The following VCP variants were observed in gnomAD, a reference collection of about 807,000 sequenced individuals.
The protein encoded by VCP is transitional endoplasmic reticulum ATPase.
Under a neutral mutation model 85.7 loss-of-function variants are expected in VCP, and 6 were observed. The ratio of observed to expected loss-of-function variants is 0.07; its 90% CI spans 0.04 to 0.14. The LOEUF (loss-of-function observed/expected upper bound fraction) is 0.14. Among genes scored for constraint, VCP ranks in the 10% least tolerant of loss-of-function variants. The probability of loss-of-function intolerance (pLI) is 1.00; values close to 1 mark genes in which losing one functional copy is unlikely to be tolerated. For missense variants in VCP, 353 were observed against 1,043.4 expected (o/e 0.34, Z 9.12); for synonymous variants, 384 against 367.1 (o/e 1.05, Z -0.53).
intron 1 of VCP, 81 bp downstream of exon 1, chr9:35,072,256 G>A (rs1296719123): frequency 1.4e-6 from 2 of 1,474,788 alleles, no homozygotes; most frequent in East Asian, 2.9e-5. Flanking sequence ...CGCGCCCACG[G>A]CCAGGCCCCG....
Position 35,058,951 on chromosome 9 carries a change from C to A in VCP, c.2160+113G>T, listed in dbSNP as rs370020063. 4.3e-5 allele frequency: 63 copies of A among 1,451,804 alleles called. No individual in the cohort carries two copies. The African/African-American group carries it at 7.5e-4, about 17-fold the overall frequency. 89.9% of individuals were successfully genotyped at this position (1,451,804 alleles called of 1,614,324 possible). On this transcript the variant is annotated intron_variant, in intron 15 of 16. Transcript: ENST00000358901. ...TTATCTTTGATGCCCTATTAAAATTCTTCTCAGTTAGATGATCTTTCCAAC... is the reference window on the plus strand; with the variant it reads ...TTATCTTTGATGCCCTATTAAAATTATTCTCAGTTAGATGATCTTTCCAAC...
chr9:35,067,897 A>G lies in VCP; in HGVS notation c.296T>C (p.Val99Ala). The change falls in exon 3 of 17, where the codon GTC (valine) becomes GCC (alanine). Residue 99 changes from valine (V) to alanine (A), a missense_variant. Physicochemically the swap from Val to Ala is moderately conservative, Grantham distance 64 (BLOSUM62 0). This residue lies in a region of VCP where 69 missense variants were observed against 132.9 expected (regional missense o/e 0.52). Coordinates refer to ENST00000358901, the MANE Select transcript of VCP (RefSeq NM_007126.5). ...CCAAAAACCCCACACACACCTGATGACATCCCCTAGGCGTACACGAAGGTT... is the reference window on the plus strand; with the variant it reads ...CCAAAAACCCCACACACACCTGATGGCATCCCCTAGGCGTACACGAAGGTT... The part of the protein sequence containing the change: ...RNNLRVRLGD[V>A]ISIQPCPDVK... 5.0e-6 allele frequency: 8 copies of G among 1,614,178 alleles called. No individual in the cohort carries two copies. The highest frequency in any genetic ancestry group is 6.8e-6 in the Non-Finnish European group (8 of 1,180,032).
At chr9:35,057,954 C>T (rs1828643581) in intron 15 of VCP, 1 of 302,558 alleles carries the variant, frequency 3.3e-6, no homozygotes, top group Non-Finnish European at 6.4e-6. Context: ...AAGGAAATGC[C>T]AATGGCTTTC....
Position 35,061,698 on chromosome 9 carries a change from C to T in VCP, c.1082-9G>A. ...CTCCCTGTCAAAGCGACCTGTGGGA[C>T]AGTACACAAACATAAACAGGGCTCA... On this transcript the variant is annotated splice_polypyrimidine_tract_variant and intron_variant, in intron 9 of 16. Transcript: ENST00000358901. The T allele has an allele frequency of 1.9e-6, 3 of 1,610,280 alleles. No homozygotes were observed. Among genetic ancestry groups the T allele is most frequent in the East Asian group, 2.2e-5 (1 of 44,862 alleles).
rs886063888 is a variant in VCP at position 35,056,770 on chromosome 9, G to A, written c.*347C>T. 34 of 359,732 alleles carry A rather than the reference G, an allele frequency of 9.5e-5. No homozygotes were observed. The highest frequency in any genetic ancestry group is 2.1e-4 in the African/African-American group (10 of 47,484). 22.3% of individuals were successfully genotyped at this position (359,732 alleles called of 1,614,324 possible). A position where few individuals can be genotyped will look rare whatever the true frequency, so the allele number is the denominator to read the frequency against. ...GGGCTCGGGCAGCATTGAGTCAAGT[G>A]CAGATGCTTTACTGTGGCAGGTGGC... On this transcript the variant is annotated 3_prime_UTR_variant, in exon 17 of 17. Transcript: ENST00000358901.
chr9:35,066,968 A>C, intron 3 of VCP, 151 bp from the exon 4 acceptor site: 2 of 1,277,036 alleles, frequency 1.6e-6, no homozygotes, highest in South Asian at 2.4e-5. Flanking sequence ...ACAGGGTGGA[A>C]GTGAGGGCGA....
intron 4 of VCP, among the ~76,000 whole-genome samples, chr9:35,066,382 C>A (rs1828830661): frequency 6.6e-6 from 1 of 150,906 alleles, no homozygotes; most frequent in Admixed American, 6.6e-5. Context: ...ATGCCTCAGC[C>A]TCCCAGGTAG....
chr9:35,072,505 C>T lies in VCP; in HGVS notation c.-152G>A. 9.9e-7 allele frequency: 1 copy of T among 1,011,678 alleles called. No individual in the cohort carries two copies. Among genetic ancestry groups the T allele is most frequent in the Non-Finnish European group, 1.3e-6 (1 of 755,270 alleles). The allele number at this position is 1,011,678 out of a possible 1,614,324, so 62.7% of individuals were successfully genotyped here. A position where few individuals can be genotyped will look rare whatever the true frequency, so the allele number is the denominator to read the frequency against. ...CAAGCGGCTTCCCTCTCGCTTCCTC[C>T]CACCGGCAGCGAGGCGTCGGGCGAA... On this transcript the variant is annotated 5_prime_UTR_variant, in exon 1 of 17. Transcript: ENST00000358901.
chr9:35,071,155 A>G (rs960605550), intron 1 of VCP, among the ~76,000 whole-genome samples: 7 of 152,238 alleles, frequency 4.6e-5, no homozygotes, highest in Non-Finnish European at 8.8e-5. Flanking sequence ...TACTTTCAGA[A>G]TAAGTGACTC....
intron 1 of VCP, 88 bp from the exon 2 acceptor site, chr9:35,068,450 AT>A: frequency 8.4e-7 from 1 of 1,191,822 alleles, no homozygotes; most frequent in South Asian, 1.2e-5. Context: ...GAAACAGTGA[AT>A]AGATGAAGCT....
chr9:35,070,223 G>C, intron 1 of VCP, among the ~76,000 whole-genome samples: 1 of 152,118 alleles, frequency 6.6e-6, no homozygotes, highest in East Asian at 1.9e-4. Flanking sequence ...TGCCACTCCA[G>C]GCACAATGCT....
intron 4 of VCP, among the ~76,000 whole-genome samples, chr9:35,066,126 A>T (rs1005076884): frequency 7.3e-5 from 10 of 137,454 alleles, no homozygotes; most frequent in African/African-American, 3.0e-4. Context: ...ACTCTGTCTC[A>T]AAAAAAAAAG....
At chr9:35,069,444 CTTTTTTTTTTTTTT>C (rs35498216) in intron 1 of VCP, among the ~76,000 whole-genome samples, 2 of 96,106 alleles carry the variant, frequency 2.1e-5, no homozygotes, top group Non-Finnish European at 4.2e-5. Flanking sequence ...CTCCCTCTCC[CTTTTTTTTTTTTTT>C]TTTTTTTTTT....
chr9:35,058,800 C>A (rs1828663837), intron 15 of VCP, among the ~76,000 whole-genome samples: 2 of 152,142 alleles, frequency 1.3e-5, no homozygotes, highest in South Asian at 4.2e-4. Flanking sequence ...ACAAAAAAAA[C>A]CTTGCTGTGT....
intron 1 of VCP, 48 bp downstream of exon 1, chr9:35,072,289 G>C: frequency 6.7e-7 from 1 of 1,483,408 alleles, no homozygotes; most frequent in South Asian, 1.3e-5. Context: ...TGCGCGGCTG[G>C]TCCCGGTGCG....
Position 35,068,904 on chromosome 9 carries a change from A to G in VCP, c.18-542T>C, listed in dbSNP as rs143997916. Reference sequence around the variant, plus strand: ...TAATGAATGTAAAATGCTTAACATAATACCTGGCACATGGTATTAATGGTC... The same window carrying G: ...TAATGAATGTAAAATGCTTAACATAGTACCTGGCACATGGTATTAATGGTC... On this transcript the variant is annotated intron_variant, in intron 1 of 16. Transcript: ENST00000358901. 5.9e-4 allele frequency among the ~76,000 whole-genome samples: 90 copies of G among 152,296 alleles called. 1 individual carries two copies. The South Asian group carries it at 0.017, about 29-fold the overall frequency.
At chr9:35,071,102 T>A (rs562705946) in intron 1 of VCP, among the ~76,000 whole-genome samples, 1 of 152,340 alleles carries the variant, frequency 6.6e-6, no homozygotes, top group Admixed American at 6.5e-5. Flanking sequence ...TTTAGATTTT[T>A]ACTTTTGAAA....
intron 11 of VCP, 27 bp downstream of exon 11, chr9:35,060,988 T>C: frequency 6.2e-7 from 1 of 1,614,178 alleles, no homozygotes; most frequent in Non-Finnish European, 8.5e-7. Context: ...CGTATGTGTG[T>C]ACCTGAGGCA....
intron 6 of VCP, 39 bp downstream of exon 6, chr9:35,064,115 C>T (rs781569592): frequency 1.6e-5 from 26 of 1,613,634 alleles, no homozygotes; most frequent in Middle Eastern, 1.6e-4. Flanking sequence ...TAGACATTGG[C>T]ACCACTTTAG....
Sources: gnomAD v4.1 joint callset for allele counts (sites outside exome capture counted in the v4.1 genomes callset) on GRCh38, gnomAD v4.1.1 for gene constraint, gnomAD v4.1.1 regional missense constraint, MANE v1.5 for transcripts, NCBI Gene and HGNC (gene_info 2026-07-23, HGNC 2026-07-21) for gene names.